Variants in PPP1R9A observed in about 807,000 individuals in gnomAD.
The protein encoded by PPP1R9A is neurabin-1.
PPP1R9A carries 59 observed loss-of-function variants against 141.9 expected under a neutral mutation model. That is an observed-to-expected ratio of 0.42 (90% confidence interval 0.34 to 0.52). The LOEUF (loss-of-function observed/expected upper bound fraction) is 0.52, where lower values mean the gene tolerates loss of function less well. Among genes scored for constraint, PPP1R9A ranks in the 20% least tolerant of loss-of-function variants. The pLI, the probability that PPP1R9A is intolerant of heterozygous loss-of-function variation, is 0.10. For synonymous variants in PPP1R9A, 500 were observed against 569.7 expected (o/e 0.88, Z 1.74); for missense variants, 1,444 against 1,611.9 (o/e 0.90, Z 1.78).
At chr7:95,072,746 TATA>T (rs1195953812) in intron 2 of PPP1R9A, among the ~76,000 whole-genome samples, 27 of 107,822 alleles carry the variant, frequency 2.5e-4, no homozygotes, top group East Asian at 6.6e-4. Flanking sequence ...TAATATAATA[TATA>T]ATATTATATT....
intron 7 of PPP1R9A, among the ~76,000 whole-genome samples, chr7:95,211,749 G>A (rs1277584066): frequency 6.6e-6 from 1 of 152,162 alleles, no homozygotes; most frequent in Non-Finnish European, 1.5e-5. Flanking sequence ...TACTTTGGGA[G>A]GTTGAGGTGG....
intron 4 of PPP1R9A, among the ~76,000 whole-genome samples, chr7:95,151,002 C>G (rs1413296001): frequency 6.6e-6 from 1 of 152,184 alleles, no homozygotes; most frequent in East Asian, 1.9e-4. Flanking sequence ...ATTCAAAACA[C>G]TGACAACAAA....
At chr7:94,929,145 C>G (rs916451408) in intron 2 of PPP1R9A, among the ~76,000 whole-genome samples, 12 of 152,210 alleles carry the variant, frequency 7.9e-5, no homozygotes, top group African/African-American at 2.9e-4. Context: ...AATTCTTAGT[C>G]TAAATTGCTT....
At chr7:95,154,548 A>G (rs965282792) in intron 4 of PPP1R9A, among the ~76,000 whole-genome samples, 1 of 152,138 alleles carries the variant, frequency 6.6e-6, no homozygotes, top group Non-Finnish European at 1.5e-5. Context: ...AATTACTAGT[A>G]CATTTGAAGT....
intron 5 of PPP1R9A, among the ~76,000 whole-genome samples, chr7:95,169,123 G>A (rs1831719215): frequency 6.6e-6 from 1 of 151,988 alleles, no homozygotes; most frequent in South Asian, 2.1e-4. Context: ...GCAGTGATAT[G>A]GAATCAACCT....
At chr7:94,918,635 T>A (rs1477601730) in intron 2 of PPP1R9A, among the ~76,000 whole-genome samples, 2 of 152,134 alleles carry the variant, frequency 1.3e-5, no homozygotes, top group Non-Finnish European at 2.9e-5. Context: ...TGTCTGTGAA[T>A]TGTCATTCCC....
intron 2 of PPP1R9A, among the ~76,000 whole-genome samples, chr7:95,097,939 G>T (rs1818258668): frequency 6.6e-6 from 1 of 152,202 alleles, no homozygotes. Context: ...AATCTGTAGG[G>T]CAGGCAGTGA....
chr7:95,000,964 AAATTGT>A (rs1398447375), intron 2 of PPP1R9A, among the ~76,000 whole-genome samples: 1 of 152,220 alleles, frequency 6.6e-6, no homozygotes, highest in Non-Finnish European at 1.5e-5. Flanking sequence ...TGATCTTTAA[AAATTGT>A]AATTGTAATT....
intron 2 of PPP1R9A, among the ~76,000 whole-genome samples, chr7:94,947,018 A>G (rs1795966324): frequency 6.6e-6 from 1 of 152,170 alleles, no homozygotes; most frequent in South Asian, 2.1e-4. Flanking sequence ...TTATTAGTAA[A>G]TACTAAAAGC....
chr7:95,177,318 C>A (rs1336401920), intron 5 of PPP1R9A, among the ~76,000 whole-genome samples: 1 of 151,984 alleles, frequency 6.6e-6, no homozygotes, highest in Non-Finnish European at 1.5e-5. Flanking sequence ...AAACAAATGC[C>A]AAGAGAATTC....
At chr7:95,108,075 C>T (rs1006406285) in intron 2 of PPP1R9A, among the ~76,000 whole-genome samples, 4 of 151,988 alleles carry the variant, frequency 2.6e-5, no homozygotes, top group South Asian at 2.1e-4. Flanking sequence ...AAAGTTACAT[C>T]GCTTTACTGA....
At chr7:95,113,007 A>T (rs1319026296) in intron 3 of PPP1R9A, among the ~76,000 whole-genome samples, 2 of 152,106 alleles carry the variant, frequency 1.3e-5, no homozygotes, top group East Asian at 3.9e-4. Flanking sequence ...GTTACACTAA[A>T]AGCCCAGACT....
chr7:95,263,759 A>C (rs555981636), intron 12 of PPP1R9A, among the ~76,000 whole-genome samples: 32 of 152,262 alleles, frequency 2.1e-4, no homozygotes, highest in African/African-American at 7.2e-4. Context: ...GTTTACCACT[A>C]GAAAATGTAT....
chr7:95,108,232 A>G (rs1413974762), intron 2 of PPP1R9A, among the ~76,000 whole-genome samples: 1 of 150,986 alleles, frequency 6.6e-6, no homozygotes, highest in Non-Finnish European at 1.5e-5. Flanking sequence ...ACAAGCCTAT[A>G]AGTAAGCTGA....
intron 2 of PPP1R9A, among the ~76,000 whole-genome samples, chr7:94,920,682 A>G (rs773572087): frequency 2.6e-5 from 4 of 152,202 alleles, no homozygotes; most frequent in Non-Finnish European, 2.9e-5. Context: ...GTTGTTTTCC[A>G]TGCCAGTTGA....
At chr7:95,226,832 C>T (rs1340965684) in intron 8 of PPP1R9A, among the ~76,000 whole-genome samples, 10 of 152,116 alleles carry the variant, frequency 6.6e-5, no homozygotes, top group African/African-American at 2.2e-4. Flanking sequence ...AAGAATAGAA[C>T]CTTGGGAGAG....
At chr7:95,030,717 A>G (rs761347676) in intron 2 of PPP1R9A, among the ~76,000 whole-genome samples, 1 of 152,192 alleles carries the variant, frequency 6.6e-6, no homozygotes, top group Non-Finnish European at 1.5e-5. Flanking sequence ...AGCTGCCAGT[A>G]ATTTGATCGA....
chr7:95,038,551 C>T (rs569157828), intron 2 of PPP1R9A, among the ~76,000 whole-genome samples: 2 of 152,094 alleles, frequency 1.3e-5, no homozygotes, highest in East Asian at 3.9e-4. Flanking sequence ...ATAAAATGTC[C>T]ACACTCCAGG....
At chr7:95,087,667 C>G (rs550711430) in intron 2 of PPP1R9A, among the ~76,000 whole-genome samples, 2 of 151,940 alleles carry the variant, frequency 1.3e-5, no homozygotes, top group African/African-American at 4.8e-5. Flanking sequence ...GAGGTCGAGG[C>G]GAGTAGATCA....
Sources: gnomAD v4.1 joint callset for allele counts (sites outside exome capture counted in the v4.1 genomes callset) on GRCh38, gnomAD v4.1.1 for gene constraint, MANE v1.5 for transcripts, NCBI Gene and HGNC (gene_info 2026-07-23, HGNC 2026-07-21) for gene names.